Variants in MS4A3 observed in about 807,000 individuals in gnomAD.
MS4A3 encodes membrane-spanning 4-domains subfamily A member 3.
In MS4A3, 18 loss-of-function variants were observed where a neutral mutation model predicts 24.7. The ratio of observed to expected loss-of-function variants is 0.73; its 90% CI spans 0.50 to 1.08. MS4A3 has a LOEUF of 1.08. MS4A3 is among the 50% of genes least tolerant of loss of function. MS4A3 has a pLI of 0.00. For synonymous variants in MS4A3, 84 were observed against 95.3 expected (o/e 0.88, Z 0.69); for missense variants, 282 against 251.7 (o/e 1.12, Z -0.82).
rs773526368 is a variant in MS4A3 at position 60,069,623 on chromosome 11, CCA to C, written c.564_565del (p.Ile189LeufsTer13). ...CTCACCTTGCTGGAATTATGCGTAACCATCTCTACCATAGCCATGTGGTGCAA... is the reference window on the plus strand; with the variant it reads ...CTCACCTTGCTGGAATTATGCGTAACTCTCTACCATAGCCATGTGGTGCAA... On this transcript the variant is annotated frameshift_variant, in exon 6 of 7. Transcript: ENST00000278865. LOFTEE classifies it high-confidence loss of function. The C allele has an allele frequency of 1.5e-5, 24 of 1,613,728 alleles. No homozygotes were observed. In the South Asian group the frequency reaches 2.5e-4, roughly 17 times the overall value.
At chr11:60,068,238 C>CTTTTTT (rs71456407) in intron 5 of MS4A3, among the ~76,000 whole-genome samples, 6 of 103,906 alleles carry the variant, frequency 5.8e-5, no homozygotes, top group African/African-American at 7.7e-5. Context: ...ATAACCTTAC[C>CTTTTTT]TTTTTTTTTT....
intron 5 of MS4A3, among the ~76,000 whole-genome samples, chr11:60,067,748 T>A (rs1317082758): frequency 2.0e-5 from 3 of 152,070 alleles, no homozygotes; most frequent in Non-Finnish European, 2.9e-5. Flanking sequence ...CAGAGAGATT[T>A]TTTTTTAAGT....
In MS4A3 at chr11:60,062,672, G is replaced by T. The variant is rs80131311; in HGVS notation, c.294+67G>T. The T allele has an allele frequency of 3.7e-3, 5,852 of 1,572,494 alleles. 202 individuals carry two copies. The East Asian group carries it at 0.087, about 23-fold the overall frequency. The stretch of plus-strand genomic sequence containing the variant: ...TACCACTGCTGGAGATGTGTTTGAT[G>T]ACAAAAATATTGTTTGTAGGTTATT... On this transcript the variant is annotated intron_variant, in intron 3 of 6. Coordinates refer to ENST00000278865, the MANE Select transcript of MS4A3 (RefSeq NM_006138.5).
At position 60,064,328 on chromosome 11, in the gene MS4A3, A is replaced by G; in HGVS notation, c.351+10A>G. On this transcript the variant is annotated intron_variant, in intron 4 of 6. Transcript: ENST00000278865. ...ACCCACAAGAACATGGGTAAGTAGC[A>G]CTTCCTCTTTTTCTATGATCAGAGG... The G allele has an allele frequency of 6.3e-7, 1 of 1,591,556 alleles. No individual in the cohort carries two copies. The highest frequency in any genetic ancestry group is 8.6e-7 in the Non-Finnish European group (1 of 1,165,686).
At chr11:60,059,494 G>A (rs1321575448) in intron 1 of MS4A3, among the ~76,000 whole-genome samples, 1 of 152,032 alleles carries the variant, frequency 6.6e-6, no homozygotes, top group Admixed American at 6.6e-5. Flanking sequence ...TGTCACCCAG[G>A]TACTAAGCCT....
chr11:60,062,762 C>CT, intron 3 of MS4A3, 157 bp downstream of exon 3: 1 of 535,104 alleles, frequency 1.9e-6, no homozygotes, highest in South Asian at 7.1e-5. Flanking sequence ...ACGATAAACT[C>CT]TTTTTTATTT....
Position 60,069,597 on chromosome 11 carries a change from T to C in MS4A3, c.537T>C (p.Ile179=). The C allele has an allele frequency of 1.2e-6, 2 of 1,613,410 alleles. 1 individual carries two copies. The highest frequency in any genetic ancestry group is 2.2e-5 in the South Asian group (2 of 91,046). Residue 179 remains isoleucine (I), a synonymous_variant, in exon 6 of 7, where the codon ATT becomes ATC. Coordinates refer to ENST00000278865, the MANE Select transcript of MS4A3 (RefSeq NM_006138.5). ...AGGGCATGGTGTCTCTACTGCTGAT[T>C]CTCACCTTGCTGGAATTATGCGTAA... ...ISNGMVSLLL[I]LTLLELCVTI... is the part of the protein sequence containing the mutation.
chr11:60,068,515 G>A (rs1855414337), intron 5 of MS4A3, among the ~76,000 whole-genome samples: 1 of 150,802 alleles, frequency 6.6e-6, no homozygotes, highest in African/African-American at 2.4e-5. Flanking sequence ...GCCTCCCAAA[G>A]TGCTGGGATT....
intron 5 of MS4A3, among the ~76,000 whole-genome samples, chr11:60,069,344 C>T (rs868549445): frequency 6.6e-6 from 1 of 152,134 alleles, no homozygotes; most frequent in East Asian, 1.9e-4. Flanking sequence ...ACTTCACATG[C>T]GTTGACATAG....
At chr11:60,063,149 G>C (rs1855304877) in intron 3 of MS4A3, among the ~76,000 whole-genome samples, 1 of 152,120 alleles carries the variant, frequency 6.6e-6, no homozygotes, top group African/African-American at 2.4e-5. Context: ...TACAAATGAA[G>C]TCCTAAAAAT....
rs184097383 is a variant in MS4A3 at position 60,062,726 on chromosome 11, G to A, written c.294+121G>A. 1.9e-5 allele frequency: 17 copies of A among 904,446 alleles called. No homozygotes were observed. The East Asian group carries it at 1.9e-4, about 10-fold the overall frequency. The allele number at this position is 904,446 out of a possible 1,614,324, so 56.0% of individuals were successfully genotyped here. A position where few individuals can be genotyped will look rare whatever the true frequency, so the allele number is the denominator to read the frequency against. The stretch of plus-strand genomic sequence containing the variant: ...AGGTTGCATGCTGTGGTTTTGATTT[G>A]CAATTCTTGATATAAACAATTAGAG... On this transcript the variant is annotated intron_variant, in intron 3 of 6. Transcript: ENST00000278865.
chr11:60,070,688 T>G lies in MS4A3; in HGVS notation c.*455T>G, dbSNP rs1374575878. 1 of 153,264 alleles carries G rather than the reference T, an allele frequency of 6.5e-6. No individual in the cohort carries two copies. The highest frequency in any genetic ancestry group is 1.5e-5 in the Non-Finnish European group (1 of 68,836). The allele number at this position is 153,264 out of a possible 1,614,324, so 9.5% of individuals were successfully genotyped here. A position where few individuals can be genotyped will look rare whatever the true frequency, so the allele number is the denominator to read the frequency against. Reference sequence around the variant, plus strand: ...CATTACAGAGAAATGCTTCTTGACTTTAACATCAGCATTATAAAAAGTGTC... The same window carrying G: ...CATTACAGAGAAATGCTTCTTGACTGTAACATCAGCATTATAAAAAGTGTC... On this transcript the variant is annotated 3_prime_UTR_variant, in exon 7 of 7. Transcript: ENST00000278865.
chr11:60,070,483 T>C lies in MS4A3; in HGVS notation c.*250T>C. On this transcript the variant is annotated 3_prime_UTR_variant, in exon 7 of 7. Coordinates refer to ENST00000278865, the MANE Select transcript of MS4A3 (RefSeq NM_006138.5). ...TTCTTTAGGCATTCTTGGATATCTGTAACTTCTATGATCATTACTCCAAAG... is the reference window on the plus strand; with the variant it reads ...TTCTTTAGGCATTCTTGGATATCTGCAACTTCTATGATCATTACTCCAAAG... 1 of 429,464 alleles carries C rather than the reference T, an allele frequency of 2.3e-6. No individual in the cohort carries two copies. 26.6% of individuals were successfully genotyped at this position (429,464 alleles called of 1,614,324 possible).
intron 4 of MS4A3, 38 bp downstream of exon 4, chr11:60,064,356 T>C (rs1189821113): frequency 6.9e-7 from 1 of 1,457,006 alleles, no homozygotes; most frequent in Non-Finnish European, 9.5e-7. Context: ...ATCAGAGGAG[T>C]AGAAATATAT....
At chr11:60,060,512 A>G (rs1565061539) in intron 1 of MS4A3, among the ~76,000 whole-genome samples, 2 of 152,160 alleles carry the variant, frequency 1.3e-5, no homozygotes, top group African/African-American at 4.8e-5. Flanking sequence ...CGTCTTCTAT[A>G]TAGTACTATA....
chr11:60,064,583 C>T (rs1192873979), intron 4 of MS4A3, among the ~76,000 whole-genome samples: 2 of 152,086 alleles, frequency 1.3e-5, no homozygotes, highest in Non-Finnish European at 2.9e-5. Context: ...TCAAGTTTGA[C>T]CAATTCTAAT....
chr11:60,067,258 G>T (rs1294570213), intron 5 of MS4A3, 146 bp downstream of exon 5: 8 of 696,738 alleles, frequency 1.1e-5, no homozygotes, highest in Non-Finnish European at 1.8e-5. Context: ...TGTCGCCCAG[G>T]CTGGAGTACA....
rs1340966414 is a variant in MS4A3 at position 60,070,971 on chromosome 11, C to G, written c.*738C>G. On this transcript the variant is annotated 3_prime_UTR_variant, in exon 7 of 7. Coordinates refer to ENST00000278865, the MANE Select transcript of MS4A3 (RefSeq NM_006138.5). ...ATCTGGGTTCAAATTCTGAAACTGTCACTTATTACCTGTATGAACATGGGC... is the reference window on the plus strand; with the variant it reads ...ATCTGGGTTCAAATTCTGAAACTGTGACTTATTACCTGTATGAACATGGGC... 6.6e-6 allele frequency: 1 copy of G among 152,198 alleles called. No homozygotes were observed. Among genetic ancestry groups the G allele is most frequent in the Non-Finnish European group, 1.5e-5 (1 of 68,044 alleles). The allele number at this position is 152,198 out of a possible 1,614,324, so 9.4% of individuals were successfully genotyped here. A position where few individuals can be genotyped will look rare whatever the true frequency, so the allele number is the denominator to read the frequency against.
intron 1 of MS4A3, 144 bp from the exon 2 acceptor site, chr11:60,061,002 C>A: frequency 1.6e-6 from 1 of 624,578 alleles, no homozygotes; most frequent in East Asian, 3.2e-5. Flanking sequence ...ATTGTACAAA[C>A]TCTGTTACTC....
Sources: gnomAD v4.1 joint callset for allele counts (sites outside exome capture counted in the v4.1 genomes callset) on GRCh38, gnomAD v4.1.1 for gene constraint, MANE v1.5 for transcripts, NCBI Gene and HGNC (gene_info 2026-07-23, HGNC 2026-07-21) for gene names.